Variants in PIWIL2 observed in about 807,000 individuals in gnomAD.
The protein encoded by PIWIL2 is piwi like RNA-mediated gene silencing 2.
In PIWIL2, 81 loss-of-function variants were observed where a neutral mutation model predicts 116.5. The observed-to-expected ratio is 0.70, with a 90% CI of 0.58 to 0.84. PIWIL2 has a LOEUF of 0.84. PIWIL2 is among the 40% of genes least tolerant of loss of function. The pLI is 0.00. For missense variants in PIWIL2, 1,272 were observed against 1,212.3 expected (o/e 1.05, Z -0.73); for synonymous variants, 489 against 429.5 (o/e 1.14, Z -1.71).
chr8:22,346,085 G>A (rs1268843670), intron 20 of PIWIL2, among the ~76,000 whole-genome samples: 7 of 152,090 alleles, frequency 4.6e-5, no homozygotes, highest in Admixed American at 2.0e-4. Flanking sequence ...TTGGCCAGGC[G>A]TGCTGGCTCA....
chr8:22,277,934 C>T (rs775202531), intron 1 of PIWIL2, among the ~76,000 whole-genome samples: 52 of 150,298 alleles, frequency 3.5e-4, no homozygotes, highest in Non-Finnish European at 1.3e-4. Flanking sequence ...TTTGGGAGGC[C>T]CAGGTGGGCT....
intron 20 of PIWIL2, among the ~76,000 whole-genome samples, chr8:22,334,335 C>T (rs117574589): frequency 0.05 from 7,515 of 151,286 alleles, 295 homozygotes; most frequent in Admixed American, 0.087. Flanking sequence ...GTGGCTCACA[C>T]CTATAGTGAA....
chr8:22,275,808 GA>G (rs1180354776), intron 1 of PIWIL2: 1 of 152,414 alleles, frequency 6.6e-6, no homozygotes, highest in South Asian at 2.1e-4. Flanking sequence ...CGCACCCAGG[GA>G]TGCGAGGGAG....
intron 10 of PIWIL2, among the ~76,000 whole-genome samples, chr8:22,301,327 A>G (rs1831043684): frequency 6.6e-6 from 1 of 151,588 alleles, no homozygotes; most frequent in African/African-American, 2.4e-5. Context: ...GAGACAGCGT[A>G]TCGCTCTTTC....
chr8:22,280,059 A>C (rs1830465175), intron 2 of PIWIL2, among the ~76,000 whole-genome samples: 2 of 152,190 alleles, frequency 1.3e-5, no homozygotes, highest in African/African-American at 4.8e-5. Context: ...CAAATATTTC[A>C]AATCTAGAGT....
intron 20 of PIWIL2, among the ~76,000 whole-genome samples, chr8:22,341,668 C>G (rs1832113111): frequency 6.6e-6 from 1 of 150,404 alleles, no homozygotes; most frequent in Non-Finnish European, 1.5e-5. Context: ...TTTTTAAAAT[C>G]TACAAAAAAG....
intron 4 of PIWIL2, among the ~76,000 whole-genome samples, chr8:22,282,612 A>G (rs1360396022): frequency 6.6e-6 from 1 of 151,396 alleles, no homozygotes; most frequent in East Asian, 1.9e-4. Context: ...TTTTTTTGAA[A>G]TTCGTTCTAT....
rs547877741 is a variant in PIWIL2, at chr8:22,328,858, A to G, written c.2403+10583A>G. 4.5e-4 allele frequency among the ~76,000 whole-genome samples: 60 copies of G among 134,732 alleles called. 1 individual carries two copies. The highest frequency in any genetic ancestry group is 1.6e-3 in the African/African-American group (60 of 37,360). The allele number at this position is 134,732 out of a possible 152,430, so 88.4% of individuals were successfully genotyped here. ...TTTTTAATTCTTTGGGATTTTCTAGATACAGAATAATGTCATTTGCTTATG... is the reference window on the plus strand; with the variant it reads ...TTTTTAATTCTTTGGGATTTTCTAGGTACAGAATAATGTCATTTGCTTATG... On this transcript the variant is annotated intron_variant, in intron 20 of 22. Coordinates refer to ENST00000356766, the MANE Select transcript of PIWIL2 (RefSeq NM_018068.5).
intron 20 of PIWIL2, among the ~76,000 whole-genome samples, chr8:22,332,796 T>C (rs192391388): frequency 7.0e-4 from 106 of 152,112 alleles, no homozygotes; most frequent in Non-Finnish European, 1.4e-3. Context: ...AAATAAAAAA[T>C]AGACTGTCAC....
chr8:22,345,437 G>C (rs1239221117), intron 20 of PIWIL2, among the ~76,000 whole-genome samples: 174 of 152,088 alleles, frequency 1.1e-3, no homozygotes, highest in Non-Finnish European at 1.8e-3. Context: ...GAGGCGGGCG[G>C]ATCACTTGAG....
In PIWIL2 at chr8:22,356,902, C is replaced by G. The variant is rs948555945; in HGVS notation, c.*1397C>G. On this transcript the variant is annotated 3_prime_UTR_variant, in exon 23 of 23. Coordinates refer to ENST00000356766, the MANE Select transcript of PIWIL2 (RefSeq NM_018068.5). The stretch of plus-strand genomic sequence containing the variant: ...AGAATCTTCTCCCAGTCCCTTCGGG[C>G]CTAGTTCTGTCTCATCTTGCTTTAT... 3.9e-5 allele frequency: 6 copies of G among 152,100 alleles called. No homozygotes were observed. Among genetic ancestry groups the G allele is most frequent in the Non-Finnish European group, 4.4e-5 (3 of 68,018 alleles). The allele number at this position is 152,100 out of a possible 1,614,324, so 9.4% of individuals were successfully genotyped here. A position where few individuals can be genotyped will look rare whatever the true frequency, so the allele number is the denominator to read the frequency against.
In PIWIL2 at chr8:22,287,645, A is replaced by G; in HGVS notation, c.861A>G (p.Gln287=). The G allele has an allele frequency of 6.4e-7, 1 of 1,552,958 alleles. No homozygotes were observed. Among genetic ancestry groups the G allele is most frequent in the Non-Finnish European group, 8.9e-7 (1 of 1,124,072 alleles). Residue 287 remains glutamine, a splice_region_variant and synonymous_variant, in exon 7 of 23, where the codon CAA becomes CAG. Coordinates refer to ENST00000356766, the MANE Select transcript of PIWIL2 (RefSeq NM_018068.5). ...SILYLPVKLQ[Q]VLELKSQRKT... ...TCTATCTGCCTGTTAAGCTTCAACA[A>G]GTGAGACCAAACAGGAAATGGACTT... is the stretch of plus-strand genomic sequence containing the variant.
intron 10 of PIWIL2, among the ~76,000 whole-genome samples, chr8:22,301,840 A>C (rs922611229): frequency 6.6e-6 from 1 of 152,122 alleles, no homozygotes; most frequent in African/African-American, 2.4e-5. Flanking sequence ...TACATGTTTA[A>C]GTATCATAGC....
At chr8:22,302,286 A>G (rs1156375144) in intron 10 of PIWIL2, among the ~76,000 whole-genome samples, 2 of 151,822 alleles carry the variant, frequency 1.3e-5, no homozygotes, top group African/African-American at 4.8e-5. Context: ...GGTTCAAGTG[A>G]TTCTCCTGTC....
intron 10 of PIWIL2, among the ~76,000 whole-genome samples, chr8:22,302,213 C>T (rs368270319): frequency 1.3e-5 from 2 of 151,734 alleles, no homozygotes; most frequent in Non-Finnish European, 2.9e-5. Context: ...GATGGGGTCT[C>T]GCTCTGTCAC....
intron 10 of PIWIL2, among the ~76,000 whole-genome samples, chr8:22,300,637 A>G (rs7357478): frequency 0.67 from 101,442 of 152,082 alleles, 35,302 homozygotes; most frequent in East Asian, 0.86. Flanking sequence ...GAGAATTCAG[A>G]TTGTTCCACA....
intron 3 of PIWIL2, 82 bp from the exon 4 acceptor site, chr8:22,281,295 T>C (rs1830493556): frequency 4.5e-6 from 7 of 1,554,344 alleles, no homozygotes; most frequent in South Asian, 3.6e-5. Flanking sequence ...GAAACGTAAC[T>C]GTGCTTTTTT....
At chr8:22,289,731 A>C (rs577108968) in intron 8 of PIWIL2, 116 bp from the exon 9 acceptor site, 105 of 661,514 alleles carry the variant, frequency 1.6e-4, no homozygotes, top group African/African-American at 1.6e-3. Context: ...TGTCTTCTGC[A>C]AAGAGCACAA....
chr8:22,336,264 G>T (rs1319031953), intron 20 of PIWIL2, among the ~76,000 whole-genome samples: 1 of 152,064 alleles, frequency 6.6e-6, no homozygotes, highest in Non-Finnish European at 1.5e-5. Context: ...ATTTAAAAAT[G>T]ACTTTAATCT....
Sources: gnomAD v4.1 joint callset for allele counts (sites outside exome capture counted in the v4.1 genomes callset) on GRCh38, gnomAD v4.1.1 for gene constraint, MANE v1.5 for transcripts, NCBI Gene and HGNC (gene_info 2026-07-23, HGNC 2026-07-21) for gene names.